The following PARD3B variants were observed in gnomAD, a reference collection of about 807,000 sequenced individuals.
The protein encoded by PARD3B is par-3 family cell polarity regulator beta.
Under a neutral mutation model 130.2 loss-of-function variants are expected in PARD3B, and 103 were observed. The ratio of observed to expected loss-of-function variants is 0.79; its 90% CI spans 0.67 to 0.93. PARD3B has a LOEUF of 0.93. Among genes scored for constraint, PARD3B ranks in the 40% least tolerant of loss-of-function variants. The pLI is 0.00. For missense variants in PARD3B, 1,609 were observed against 1,499.2 expected, an observed-to-expected ratio of 1.07 and a Z score of -1.21; for synonymous variants, 583 against 553.2, an observed-to-expected ratio of 1.05 and a Z score of -0.76.
intron 19 of PARD3B, among the ~76,000 whole-genome samples, chr2:205,411,215 G>C (rs1389072974): frequency 6.6e-6 from 1 of 152,078 alleles, no homozygotes; most frequent in Non-Finnish European, 1.5e-5. Flanking sequence ...CTTGTGCCAA[G>C]GTTGAGAAAC....
intron 4 of PARD3B, among the ~76,000 whole-genome samples, chr2:205,053,618 C>A (rs1427833742): frequency 6.7e-6 from 1 of 148,620 alleles, no homozygotes; most frequent in African/African-American, 2.5e-5. Flanking sequence ...CCAGCCTGGG[C>A]AGCAACAGTG....
intron 3 of PARD3B, among the ~76,000 whole-genome samples, chr2:204,972,789 G>C (rs543108786): frequency 1.3e-5 from 2 of 152,238 alleles, no homozygotes; most frequent in East Asian, 3.9e-4. Context: ...GGAGTCTGCA[G>C]ATCCTCTAAT....
intron 2 of PARD3B, among the ~76,000 whole-genome samples, chr2:204,735,826 C>A (rs183081088): frequency 5.8e-4 from 88 of 151,944 alleles, no homozygotes; most frequent in Admixed American, 1.6e-3. Flanking sequence ...TGCTTTGATG[C>A]GGAAATAAAA....
At chr2:205,540,197 CGAGCA>C (rs1043575629) in intron 21 of PARD3B, among the ~76,000 whole-genome samples, 3 of 151,480 alleles carry the variant, frequency 2.0e-5, no homozygotes, top group Non-Finnish European at 4.4e-5. Context: ...TTTTATATCC[CGAGCA>C]GAGTTCTTGA....
chr2:204,949,006 C>A (rs974236370), intron 2 of PARD3B, among the ~76,000 whole-genome samples: 2 of 152,048 alleles, frequency 1.3e-5, no homozygotes, highest in African/African-American at 4.8e-5. Context: ...TGTAGAATTT[C>A]CAGTCATGAA....
chr2:204,741,482 A>G (rs779488223), intron 2 of PARD3B, among the ~76,000 whole-genome samples: 3 of 152,140 alleles, frequency 2.0e-5, no homozygotes, highest in African/African-American at 4.8e-5. Flanking sequence ...AGAACCCATC[A>G]TGATATGGTC....
At chr2:205,242,912 A>G (rs2039414008) in intron 15 of PARD3B, among the ~76,000 whole-genome samples, 1 of 152,166 alleles carries the variant, frequency 6.6e-6, no homozygotes, top group Non-Finnish European at 1.5e-5. Flanking sequence ...CACGCCTGTA[A>G]TCCCAGCGCT....
intron 13 of PARD3B, among the ~76,000 whole-genome samples, chr2:205,181,890 T>C (rs1483399436): frequency 6.6e-6 from 1 of 152,168 alleles, no homozygotes; most frequent in East Asian, 1.9e-4. Context: ...AATATTATTA[T>C]AGGAGATAAG....
rs573926978 is a variant in PARD3B, at chr2:205,160,563, T to C, written c.1620+1656T>C. On this transcript the variant is annotated intron_variant, in intron 11 of 22. Coordinates refer to ENST00000406610, the MANE Select transcript of PARD3B (RefSeq NM_001302769.2). This position sits in a 1 kb window ranked among gnomAD's most constrained non-coding sequence, Gnocchi z 4.0. The stretch of plus-strand genomic sequence containing the variant: ...AGCCACGATGAAGTTATGGCAAAGA[T>C]GTAGATACAGAGAAGGGTAAAGAAT... Among the ~76,000 whole-genome samples the C allele has an allele frequency of 3.3e-5, 5 of 152,292 alleles. No homozygotes were observed. In the South Asian group the frequency reaches 1.0e-3, roughly 32 times the overall value.
At chr2:204,607,788 C>T (rs1046831676) in intron 1 of PARD3B, among the ~76,000 whole-genome samples, 7 of 152,070 alleles carry the variant, frequency 4.6e-5, no homozygotes, top group African/African-American at 9.7e-5. Flanking sequence ...ACAGACTTCG[C>T]GAGAGAGGGA....
At chr2:204,709,350 A>C (rs1049091771) in intron 2 of PARD3B, among the ~76,000 whole-genome samples, 2 of 152,270 alleles carry the variant, frequency 1.3e-5, no homozygotes, top group African/African-American at 4.8e-5. Context: ...GAAAACATAA[A>C]TGAAATTCTG....
chr2:205,208,657 T>G (rs2037454287), intron 15 of PARD3B, among the ~76,000 whole-genome samples: 1 of 143,770 alleles, frequency 7.0e-6, no homozygotes, highest in Non-Finnish European at 1.5e-5. Flanking sequence ...GAATCCAACT[T>G]ACAAGGGATG....
intron 3 of PARD3B, among the ~76,000 whole-genome samples, chr2:204,976,558 C>G (rs1282153603): frequency 6.7e-6 from 1 of 148,914 alleles, no homozygotes; most frequent in Non-Finnish European, 1.5e-5. Flanking sequence ...TATTATGGAT[C>G]ATTTGGAGGA....
intron 1 of PARD3B, among the ~76,000 whole-genome samples, chr2:204,590,187 T>C (rs2033013737): frequency 6.6e-6 from 1 of 152,106 alleles, no homozygotes; most frequent in Admixed American, 6.6e-5. Context: ...AGCCATCATC[T>C]CTCTGTCCTC....
At chr2:204,593,731 T>C (rs1233294875) in intron 1 of PARD3B, among the ~76,000 whole-genome samples, 1 of 152,168 alleles carries the variant, frequency 6.6e-6, no homozygotes, top group Non-Finnish European at 1.5e-5. Flanking sequence ...ACCAGCAAAG[T>C]CAAACTTCAC....
chr2:205,448,261 C>T lies in PARD3B; in HGVS notation c.3044+7589C>T, dbSNP rs371596360. Among the ~76,000 whole-genome samples the T allele has an allele frequency of 2.0e-5, 3 of 152,174 alleles. No homozygotes were observed. The East Asian group carries it at 5.8e-4, about 29-fold the overall frequency. ...GGGCATGGCATGCAGAACTGGGTACCATATTTCAGATATGGTCAGAAAATC... is the reference window on the plus strand; with the variant it reads ...GGGCATGGCATGCAGAACTGGGTACTATATTTCAGATATGGTCAGAAAATC... On this transcript the variant is annotated intron_variant, in intron 20 of 22. Transcript: ENST00000406610.
Position 204,669,080 on chromosome 2 carries a change from C to T in PARD3B, c.121-17101C>T, listed in dbSNP as rs970464062. Among the ~76,000 whole-genome samples, 1 of 152,116 alleles carries T rather than the reference C, an allele frequency of 6.6e-6. No individual in the cohort carries two copies. Among genetic ancestry groups the T allele is most frequent in the African/African-American group, 2.4e-5 (1 of 41,422 alleles). Reference sequence around the variant, plus strand: ...ATCTTGATGTTCACCTAGTAAGATCCACGCCTGACTTCAGGCCTGCAGAAT... The same window carrying T: ...ATCTTGATGTTCACCTAGTAAGATCTACGCCTGACTTCAGGCCTGCAGAAT... On this transcript the variant is annotated intron_variant, in intron 1 of 22. Transcript: ENST00000406610. The surrounding 1 kb of genome is among the most constrained non-coding windows in gnomAD (Gnocchi z 4.3).
chr2:204,658,716 A>G (rs2035712738), intron 1 of PARD3B, among the ~76,000 whole-genome samples: 1 of 152,164 alleles, frequency 6.6e-6, no homozygotes, highest in East Asian at 1.9e-4. Flanking sequence ...AAAATATGTG[A>G]AAAGCTCAAA....
At chr2:204,981,942 T>A (rs1692699359) in intron 3 of PARD3B, among the ~76,000 whole-genome samples, 1 of 152,078 alleles carries the variant, frequency 6.6e-6, no homozygotes, top group Non-Finnish European at 1.5e-5. Flanking sequence ...CTATCAATGC[T>A]ATTTAAAGTT....
Sources: gnomAD v4.1 joint callset for allele counts (sites outside exome capture counted in the v4.1 genomes callset) on GRCh38, gnomAD v4.1.1 for gene constraint, Gnocchi (gnomAD v3.1) non-coding constraint, MANE v1.5 for transcripts, NCBI Gene and HGNC (gene_info 2026-07-23, HGNC 2026-07-21) for gene names.